Variants in ETF1 observed in about 807,000 individuals in gnomAD.
ETF1 encodes the protein eukaryotic peptide chain release factor subunit 1.
Under a neutral mutation model 55.1 loss-of-function variants are expected in ETF1, and 4 were observed. The observed-to-expected ratio is 0.07, with a 90% CI of 0.04 to 0.17. The LOEUF is 0.17. Ranked by LOEUF, ETF1 falls within the 10% of genes least tolerant of loss-of-function variation. The pLI is 1.00. For missense variants in ETF1, 142 were observed against 523.6 expected, an observed-to-expected ratio of 0.27 and a Z score of 7.11; for synonymous variants, 157 against 182.3, an observed-to-expected ratio of 0.86 and a Z score of 1.12.
chr5:138,533,384 T>C (rs1765781877), intron 2 of ETF1, among the ~76,000 whole-genome samples: 1 of 151,306 alleles, frequency 6.6e-6, no homozygotes, highest in South Asian at 2.1e-4. Context: ...AACTACCAAA[T>C]AAAATACCAA....
Position 138,543,118 on chromosome 5 carries a change from G to C in ETF1, c.-40C>G. On this transcript the variant is annotated 5_prime_UTR_variant, in exon 1 of 11. Transcript: ENST00000360541. ...TTACCTAAGGGCCCAGTCCTGGGCG[G>C]CAGCGGCTGCTCCTCCCCGGCGGCG... 1 of 600,416 alleles carries C rather than the reference G, an allele frequency of 1.7e-6. No homozygotes were observed. The highest frequency in any genetic ancestry group is 2.9e-6 in the Non-Finnish European group (1 of 348,510). 37.2% of individuals were successfully genotyped at this position (600,416 alleles called of 1,614,324 possible). A position where few individuals can be genotyped will look rare whatever the true frequency, so the allele number is the denominator to read the frequency against.
intron 9 of ETF1, chr5:138,509,262 T>G (rs774595058): frequency 6.6e-6 from 5 of 754,488 alleles, no homozygotes; most frequent in Non-Finnish European, 8.1e-6. Flanking sequence ...GGGAGGGTCA[T>G]ACTTTCAACT....
intron 4 of ETF1, among the ~76,000 whole-genome samples, chr5:138,516,019 G>A (rs1765003282): frequency 6.6e-6 from 1 of 152,180 alleles, no homozygotes; most frequent in African/African-American, 2.4e-5. Context: ...AATGAACTAA[G>A]GAGCCAGCTG....
intron 2 of ETF1, among the ~76,000 whole-genome samples, chr5:138,524,388 C>T (rs540761057): frequency 1.3e-5 from 2 of 151,494 alleles, no homozygotes; most frequent in South Asian, 4.2e-4. Context: ...TATAGTGAGA[C>T]CTGTCTCTAC....
intron 2 of ETF1, chr5:138,529,760 TA>T (rs1765618454): frequency 1.0e-6 from 1 of 970,886 alleles, no homozygotes; most frequent in Non-Finnish European, 1.2e-6. Context: ...AGTAGAAAGA[TA>T]ATTTTTTTAG....
At chr5:138,529,992 C>T (rs1182001253) in intron 2 of ETF1, among the ~76,000 whole-genome samples, 1 of 152,180 alleles carries the variant, frequency 6.6e-6, no homozygotes, top group Admixed American at 6.5e-5. Context: ...CTCCTCCCAC[C>T]TCAGACTCAC....
rs1764619899 is a variant in ETF1 at position 138,507,995 on chromosome 5, T to C, written c.*310A>G. Reference sequence around the variant, plus strand: ...TATGAAGGTTAAAAAAATCATTTTTTTTCATAAAATACAAGAGCAACCAAT... The same window carrying C: ...TATGAAGGTTAAAAAAATCATTTTTCTTCATAAAATACAAGAGCAACCAAT... On this transcript the variant is annotated 3_prime_UTR_variant, in exon 11 of 11. Transcript: ENST00000360541. The C allele has an allele frequency of 3.7e-6, 1 of 270,590 alleles. No individual in the cohort carries two copies. The highest frequency in any genetic ancestry group is 2.2e-5 in the African/African-American group (1 of 45,314). 16.8% of individuals were successfully genotyped at this position (270,590 alleles called of 1,614,324 possible). A position where few individuals can be genotyped will look rare whatever the true frequency, so the allele number is the denominator to read the frequency against.
chr5:138,510,496 C>A, intron 9 of ETF1, 69 bp downstream of exon 9: 4 of 1,190,318 alleles, frequency 3.4e-6, no homozygotes, highest in South Asian at 2.5e-5. Context: ...TCACCCTCTA[C>A]ACAGCCAGTA....
At chr5:138,515,144 T>C (rs373848253) in intron 4 of ETF1, among the ~76,000 whole-genome samples, 1 of 152,294 alleles carries the variant, frequency 6.6e-6, no homozygotes, top group South Asian at 2.1e-4. Context: ...GACATGAATA[T>C]TGTGGCCGGG....
intron 3 of ETF1, chr5:138,517,915 C>T (rs554049411): frequency 2.0e-6 from 2 of 984,716 alleles, no homozygotes; most frequent in Admixed American, 1.2e-4. Flanking sequence ...TTAAAGTAAA[C>T]AGGCTGGACG....
chr5:138,514,774 CTTCT>C (rs1206574903), intron 4 of ETF1, among the ~76,000 whole-genome samples: 2 of 152,046 alleles, frequency 1.3e-5, no homozygotes, highest in Admixed American at 6.5e-5. Flanking sequence ...GAAAACCTTC[CTTCT>C]ATGTTAACTT....
chr5:138,511,434 GA>G, intron 7 of ETF1, 40 bp downstream of exon 7: 1 of 1,549,180 alleles, frequency 6.5e-7, no homozygotes, highest in Non-Finnish European at 8.7e-7. Context: ...ACACACACAC[GA>G]AAACATTTCA....
intron 9 of ETF1, 74 bp from the exon 10 acceptor site, chr5:138,508,890 C>G: frequency 6.5e-7 from 1 of 1,545,900 alleles, no homozygotes; most frequent in Admixed American, 1.9e-5. Flanking sequence ...TCTCACAGCC[C>G]CTTGCCCACC....
chr5:138,535,578 G>A (rs977404177), intron 2 of ETF1, among the ~76,000 whole-genome samples: 5 of 151,672 alleles, frequency 3.3e-5, no homozygotes, highest in South Asian at 2.1e-4. Context: ...AAAATTAGCC[G>A]GCTGTGGTGG....
At chr5:138,510,481 A>G in intron 9 of ETF1, 84 bp downstream of exon 9, 1 of 1,064,864 alleles carries the variant, frequency 9.4e-7, no homozygotes, top group Non-Finnish European at 1.4e-6. Context: ...TTGGTTTCCC[A>G]AAGCTCACCC....
At chr5:138,538,197 C>T (rs1336107311) in intron 2 of ETF1, among the ~76,000 whole-genome samples, 1 of 140,740 alleles carries the variant, frequency 7.1e-6, no homozygotes, top group African/African-American at 2.7e-5. Context: ...GCCTGGGCCC[C>T]TATTATTTTT....
At chr5:138,528,543 G>C (rs1197333326) in intron 2 of ETF1, among the ~76,000 whole-genome samples, 1 of 152,174 alleles carries the variant, frequency 6.6e-6, no homozygotes, top group Non-Finnish European at 1.5e-5. Context: ...TGGCTCAAAA[G>C]TGTAGCTTGC....
intron 2 of ETF1, among the ~76,000 whole-genome samples, chr5:138,523,383 A>T (rs1233502687): frequency 6.6e-6 from 1 of 151,812 alleles, no homozygotes; most frequent in African/African-American, 2.4e-5. Flanking sequence ...AAAACAAAAA[A>T]ATTAGCCGAG....
chr5:138,525,747 A>G (rs1765442867), intron 2 of ETF1, among the ~76,000 whole-genome samples: 4 of 151,776 alleles, frequency 2.6e-5, no homozygotes. Context: ...GGAGTTCGAG[A>G]CCAGCCTGGC....
Sources: gnomAD v4.1 joint callset for allele counts (sites outside exome capture counted in the v4.1 genomes callset) on GRCh38, gnomAD v4.1.1 for gene constraint, MANE v1.5 for transcripts, NCBI Gene and HGNC (gene_info 2026-07-23, HGNC 2026-07-21) for gene names.